Variants in ZDHHC9 observed in about 807,000 individuals in gnomAD.
The protein encoded by ZDHHC9 is palmitoyltransferase ZDHHC9.
Under a neutral mutation model 26.6 loss-of-function variants are expected in ZDHHC9, and 3 were observed. The observed-to-expected ratio is 0.11, with a 90% CI of 0.05 to 0.29. The LOEUF (loss-of-function observed/expected upper bound fraction) is 0.29. Ranked by LOEUF, ZDHHC9 falls within the 10% of genes least tolerant of loss-of-function variation. The probability of loss-of-function intolerance (pLI) is 1.00; values close to 1 mark genes in which losing one functional copy is unlikely to be tolerated. For missense variants in ZDHHC9, 146 were observed against 296.4 expected, an observed-to-expected ratio of 0.49 and a Z score of 3.73; for synonymous variants, 111 against 109.4, an observed-to-expected ratio of 1.01 and a Z score of -0.09.
intron 3 of ZDHHC9, among the ~76,000 whole-genome samples, chrX:129,841,476 G>A (rs1165297109): frequency 8.9e-6 from 1 of 112,115 alleles, no homozygotes; most frequent in Non-Finnish European, 1.9e-5. Flanking sequence ...CTGTCATTTA[G>A]CTTCTAAGGA....
intron 3 of ZDHHC9, among the ~76,000 whole-genome samples, chrX:129,833,436 C>A (rs1390897157): frequency 8.9e-6 from 1 of 112,099 alleles, no homozygotes; most frequent in Non-Finnish European, 1.9e-5. Flanking sequence ...CTTCAATTCA[C>A]ATGAAAACAC....
At chrX:129,814,564 G>T in intron 6 of ZDHHC9, 94 bp downstream of exon 6, 1 of 1,137,972 alleles carries the variant, frequency 8.8e-7, no homozygotes, top group Non-Finnish European at 1.2e-6. Context: ...TTTCACAATG[G>T]TACCACCAGG....
At chrX:129,842,757 A>G (rs1928411323) in intron 2 of ZDHHC9, among the ~76,000 whole-genome samples, 1 of 112,817 alleles carries the variant, frequency 8.9e-6, no homozygotes, top group South Asian at 3.6e-4. Context: ...GAGTCCGGGA[A>G]ATGAAACAAT....
At chrX:129,827,553 T>G in intron 4 of ZDHHC9, among the ~76,000 whole-genome samples, 1 of 110,880 alleles carries the variant, frequency 9.0e-6, no homozygotes, top group Admixed American at 9.6e-5. Flanking sequence ...TGCATCATAG[T>G]CTTCTTTCTC....
chrX:129,824,799 A>C (rs759195167), intron 4 of ZDHHC9, among the ~76,000 whole-genome samples: 2 of 112,432 alleles, frequency 1.8e-5, no homozygotes, highest in Admixed American at 1.9e-4. Flanking sequence ...ATGGAATATT[A>C]TGCAGCCGTT....
In ZDHHC9 at chrX:129,805,645, T is replaced by C. The variant is rs746105527; in HGVS notation, c.*725A>G. ...GCCGCTGGCATCTCATAAATTCTTATTGAGAATGGCACAGGTATTAAAAAA... is the reference window on the plus strand; with the variant it reads ...GCCGCTGGCATCTCATAAATTCTTACTGAGAATGGCACAGGTATTAAAAAA... On this transcript the variant is annotated 3_prime_UTR_variant, in exon 11 of 11. Transcript: ENST00000357166. 1.2e-4 allele frequency: 14 copies of C among 112,303 alleles called. No individual in the cohort carries two copies. The highest frequency in any genetic ancestry group is 2.1e-4 in the Non-Finnish European group (11 of 53,218). 9.3% of individuals were successfully genotyped at this position (112,303 alleles called of 1,213,427 possible).
chrX:129,821,581 G>A (rs941742768), intron 5 of ZDHHC9, among the ~76,000 whole-genome samples: 2 of 107,671 alleles, frequency 1.9e-5, no homozygotes, highest in Non-Finnish European at 3.8e-5. Context: ...GTGAGCCACC[G>A]CGCCTGGCCA....
chrX:129,817,780 C>G (rs1417085619), intron 5 of ZDHHC9, among the ~76,000 whole-genome samples: 1 of 110,192 alleles, frequency 9.1e-6, no homozygotes, highest in East Asian at 2.8e-4. Flanking sequence ...AAGGTTCATC[C>G]ACATTGTATC....
rs10555509 is a variant in ZDHHC9 at position 129,819,172 on chromosome X, C to CAA, written c.488-4379_488-4378dup. Among the ~76,000 whole-genome samples the CAA allele has an allele frequency of 3.1e-3, 112 of 36,058 alleles. 6 individuals carry two copies. Among genetic ancestry groups the CAA allele is most frequent in the African/African-American group, 0.01 (90 of 8,781 alleles). 31.3% of individuals were successfully genotyped at this position (36,058 alleles called of 115,157 possible). On this transcript the variant is annotated intron_variant, in intron 5 of 10. Transcript: ENST00000357166. The stretch of plus-strand genomic sequence containing the variant: ...TGGGAGAGAGAGACAGCCTCCGTCT[C>CAA]AAAAAAAAAAAAAAAAAAAAAAAAA...
At chrX:129,825,494 C>T (rs1343573275) in intron 4 of ZDHHC9, among the ~76,000 whole-genome samples, 2 of 111,194 alleles carry the variant, frequency 1.8e-5, no homozygotes, top group Non-Finnish European at 1.9e-5. Flanking sequence ...TGAACATTTT[C>T]TCATTGTTAA....
chrX:129,833,563 C>A (rs1490157318), intron 3 of ZDHHC9, among the ~76,000 whole-genome samples: 1 of 112,362 alleles, frequency 8.9e-6, no homozygotes, highest in Non-Finnish European at 1.9e-5. Flanking sequence ...TCCCTAACAG[C>A]TTTCTTGCTA....
intron 3 of ZDHHC9, among the ~76,000 whole-genome samples, chrX:129,840,314 A>G: frequency 9.0e-6 from 1 of 111,171 alleles, no homozygotes; most frequent in Non-Finnish European, 1.9e-5. Context: ...AAAGAGAAAA[A>G]GAGAGGAAGA....
chrX:129,827,615 C>T (rs957575213), intron 4 of ZDHHC9, among the ~76,000 whole-genome samples: 1 of 110,583 alleles, frequency 9.0e-6, no homozygotes, highest in African/African-American at 3.3e-5. Context: ...GGTTCTGCTT[C>T]AAATCATGAA....
At chrX:129,829,899 A>G (rs1008303061) in intron 3 of ZDHHC9, among the ~76,000 whole-genome samples, 1 of 111,352 alleles carries the variant, frequency 9.0e-6, no homozygotes, top group African/African-American at 3.3e-5. Context: ...CATCAATATC[A>G]TTGTCATCAT....
Position 129,805,058 on chromosome X carries a change from G to A in ZDHHC9, c.*1312C>T, listed in dbSNP as rs910981096. On this transcript the variant is annotated 3_prime_UTR_variant, in exon 11 of 11. Coordinates refer to ENST00000357166, the MANE Select transcript of ZDHHC9 (RefSeq NM_016032.4). ...AAAGAGGAAAACACAGGTGCTCTAGGAAATATAGCCACATATAATACATAA... is the reference window on the plus strand; with the variant it reads ...AAAGAGGAAAACACAGGTGCTCTAGAAAATATAGCCACATATAATACATAA... The A allele has an allele frequency of 8.9e-6, 1 of 112,815 alleles. No homozygotes were observed. The allele number at this position is 112,815 out of a possible 1,213,427, so 9.3% of individuals were successfully genotyped here. A position where few individuals can be genotyped will look rare whatever the true frequency, so the allele number is the denominator to read the frequency against.
chrX:129,822,860 A>G (rs1927922884), intron 5 of ZDHHC9: 1 of 111,816 alleles, frequency 8.9e-6, no homozygotes, highest in African/African-American at 3.2e-5. Context: ...AAGTAATTTT[A>G]AAAAGAACAT....
chrX:129,819,845 G>A (rs753010599), intron 5 of ZDHHC9, among the ~76,000 whole-genome samples: 1 of 110,431 alleles, frequency 9.1e-6, no homozygotes, highest in Non-Finnish European at 1.9e-5. Context: ...ACAGGCACAT[G>A]TCACCACGTC....
At chrX:129,815,761 C>A (rs1284874092) in intron 5 of ZDHHC9, among the ~76,000 whole-genome samples, 2 of 110,290 alleles carry the variant, frequency 1.8e-5, no homozygotes, top group Non-Finnish European at 3.8e-5. Context: ...GAAAAAAAAA[C>A]AATGGCAATC....
intron 4 of ZDHHC9, among the ~76,000 whole-genome samples, chrX:129,824,806 C>T (rs1569320625): frequency 9.0e-6 from 1 of 111,415 alleles, no homozygotes; most frequent in African/African-American, 3.3e-5. Flanking sequence ...ATTATGCAGC[C>T]GTTAAAAATG....
Sources: allele counts gnomAD v4.1 joint callset (sites outside exome capture counted in the v4.1 genomes callset), GRCh38; gene constraint gnomAD v4.1.1; transcripts MANE v1.5; gene names NCBI Gene and HGNC (gene_info 2026-07-23, HGNC 2026-07-21).